ANGEL1: variants seen among roughly 807,000 people sequenced by gnomAD.
ANGEL1 encodes the protein RNA 2',3'-cyclic phosphatase ANGEL1.
Under a neutral mutation model 76.4 loss-of-function variants are expected in ANGEL1, and 62 were observed. The observed-to-expected ratio is 0.81, with a 90% CI of 0.66 to 1.00. The LOEUF (loss-of-function observed/expected upper bound fraction) is 1.00. Ranked by LOEUF, ANGEL1 falls within the 50% of genes least tolerant of loss-of-function variation. The probability of loss-of-function intolerance (pLI) is 0.00; values close to 1 mark genes in which losing one functional copy is unlikely to be tolerated. For synonymous variants in ANGEL1, 340 were observed against 331.7 expected, an observed-to-expected ratio of 1.03 and a Z score of -0.27; for missense variants, 737 against 836.7, an observed-to-expected ratio of 0.88 and a Z score of 1.47.
chr14:76,799,602 C>A (rs538495056), intron 7 of ANGEL1, among the ~76,000 whole-genome samples: 1 of 152,176 alleles, frequency 6.6e-6, no homozygotes, highest in Admixed American at 6.5e-5. Context: ...CCATTCATGG[C>A]CCTTTTAAAA....
intron 7 of ANGEL1, among the ~76,000 whole-genome samples, chr14:76,792,122 A>G (rs918458844): frequency 6.6e-6 from 1 of 152,242 alleles, no homozygotes; most frequent in African/African-American, 2.4e-5. Flanking sequence ...TGAATGCTAT[A>G]AATAACTGGA....
Position 76,803,917 on chromosome 14 carries a change from G to A in ANGEL1, c.1381-5C>T, listed in dbSNP as rs1382560168. 6.2e-7 allele frequency: 1 copy of A among 1,614,146 alleles called. No homozygotes were observed. Among genetic ancestry groups the A allele is most frequent in the Non-Finnish European group, 8.5e-7 (1 of 1,180,022 alleles). ...GAAGTCTTCCTGTCCAGATACCTGGGTGGAAAAAGAAGGGTGGGAATAAGG... is the reference window on the plus strand; with the variant it reads ...GAAGTCTTCCTGTCCAGATACCTGGATGGAAAAAGAAGGGTGGGAATAAGG... On this transcript the variant is annotated splice_polypyrimidine_tract_variant and splice_region_variant and intron_variant, in intron 5 of 9. Coordinates refer to ENST00000251089, the MANE Select transcript of ANGEL1 (RefSeq NM_015305.4).
chr14:76,809,682 A>T (rs558010368), intron 1 of ANGEL1, 39 bp from the exon 2 acceptor site: 1 of 1,534,210 alleles, frequency 6.5e-7, no homozygotes, highest in Non-Finnish European at 8.9e-7. Flanking sequence ...TAAGACTGTC[A>T]TCCAACCCAC....
chr14:76,798,728 A>T (rs569288233), intron 7 of ANGEL1, among the ~76,000 whole-genome samples: 1 of 152,136 alleles, frequency 6.6e-6, no homozygotes, highest in Admixed American at 6.5e-5. Context: ...TGGGTGGATC[A>T]TTTGAGGCCA....
intron 5 of ANGEL1, 106 bp from the exon 6 acceptor site, chr14:76,804,018 A>C: frequency 6.2e-7 from 1 of 1,610,206 alleles, no homozygotes; most frequent in Non-Finnish European, 8.5e-7. Context: ...ACAATCACAC[A>C]CTACGTACAT....
intron 3 of ANGEL1, 30 bp from the exon 4 acceptor site, chr14:76,807,532 C>T: frequency 1.2e-6 from 2 of 1,609,384 alleles, no homozygotes; most frequent in African/African-American, 1.3e-5. Flanking sequence ...CCCAATCACT[C>T]CAGAGTGCTG....
chr14:76,803,788 G>A lies in ANGEL1; in HGVS notation c.1505C>T (p.Ser502Leu). 6.2e-7 allele frequency: 1 copy of A among 1,611,296 alleles called. No individual in the cohort carries two copies. The highest frequency in any genetic ancestry group is 8.5e-7 in the Non-Finnish European group (1 of 1,178,368). ...CCAAGAATGTGACATGTGCTCACCT[G>A]ATCTCTTGGGGTGACAGGAGGTGAC... Reference protein sequence around the residue: ...QYVTSCHPKRSERRKYGRDFL... With the variant: ...QYVTSCHPKRLERRKYGRDFL... Residue 502 changes from serine to leucine, a missense_variant and splice_region_variant, in exon 6 of 10, where the codon TCA becomes TTA. Physicochemically the swap from Ser to Leu is moderately radical, Grantham distance 145. Coordinates refer to ENST00000251089, the MANE Select transcript of ANGEL1 (RefSeq NM_015305.4).
At chr14:76,810,147 G>A (rs977755202) in intron 1 of ANGEL1, 3 of 453,962 alleles carry the variant, frequency 6.6e-6, no homozygotes, top group African/African-American at 6.0e-5. Flanking sequence ...GGGACAAGAG[G>A]CCAGGCGTGG....
chr14:76,803,602 A>G, intron 6 of ANGEL1, 121 bp from the exon 7 acceptor site: 1 of 1,361,690 alleles, frequency 7.3e-7, no homozygotes, highest in Admixed American at 2.2e-5. Context: ...AGACAAGGAG[A>G]TTTTCCAAAG....
chr14:76,789,149 T>C lies in ANGEL1; in HGVS notation c.*79A>G, dbSNP rs1318653378. ...TGTAAGTTTCTTGGATCTAAGTTTC[T>C]AGATGCATGGGATTTTTCCACAGTC... On this transcript the variant is annotated 3_prime_UTR_variant, in exon 10 of 10. Transcript: ENST00000251089. The C allele has an allele frequency of 2.6e-6, 4 of 1,542,916 alleles. No homozygotes were observed. The African/African-American group carries it at 4.1e-5, about 16-fold the overall frequency.
rs866223798 is a variant in ANGEL1 at position 76,812,791 on chromosome 14, C to T, written c.37G>A (p.Ala13Thr). The T allele has an allele frequency of 1.3e-6, 2 of 1,521,706 alleles. No homozygotes were observed. The highest frequency in any genetic ancestry group is 1.2e-5 in the South Asian group (1 of 81,912). The allele number at this position is 1,521,706 out of a possible 1,614,324, so 94.3% of individuals were successfully genotyped here. A position where few individuals can be genotyped will look rare whatever the true frequency, so the allele number is the denominator to read the frequency against. The change falls in exon 1 of 10, where the codon GCC (alanine) becomes ACC (threonine). Residue 13 changes from alanine to threonine, a missense_variant. Ala to Thr is a moderately conservative substitution (Grantham distance 58). Coordinates refer to ENST00000251089, the MANE Select transcript of ANGEL1 (RefSeq NM_015305.4). ...ASCLCYLLLP[A>T]TRLFRALSDA... ...GAGAGGGCGCGGAAGAGGCGCGTGGCCGGCAGCAGCAGGTAACACAAGCAC... is the reference window on the plus strand; with the variant it reads ...GAGAGGGCGCGGAAGAGGCGCGTGGTCGGCAGCAGCAGGTAACACAAGCAC...
At chr14:76,798,777 G>A (rs1391875543) in intron 7 of ANGEL1, among the ~76,000 whole-genome samples, 5 of 151,742 alleles carry the variant, frequency 3.3e-5, no homozygotes, top group Non-Finnish European at 5.9e-5. Flanking sequence ...GTGAAACCCC[G>A]TTTCTACTAA....
At chr14:76,810,220 G>C (rs767811289) in intron 1 of ANGEL1, 1 of 454,814 alleles carries the variant, frequency 2.2e-6, no homozygotes, top group South Asian at 1.6e-5. Context: ...CCAGGAGTTA[G>C]AGACCAGCCT....
intron 5 of ANGEL1, chr14:76,804,384 G>A (rs1180170807): frequency 2.7e-5 from 27 of 1,016,062 alleles, no homozygotes; most frequent in Non-Finnish European, 3.1e-5. Flanking sequence ...CCGTATCTAC[G>A]TCACCATCCT....
chr14:76,812,752 C>T lies in ANGEL1; in HGVS notation c.64+12G>A. 1 of 1,514,754 alleles carries T rather than the reference C, an allele frequency of 6.6e-7. No homozygotes were observed. The highest frequency in any genetic ancestry group is 1.8e-4 in the Middle Eastern group (1 of 5,514). The allele number at this position is 1,514,754 out of a possible 1,614,324, so 93.8% of individuals were successfully genotyped here. On this transcript the variant is annotated intron_variant, in intron 1 of 9. Coordinates refer to ENST00000251089, the MANE Select transcript of ANGEL1 (RefSeq NM_015305.4). ...GGCCGGGCTCCTGTCTGTCGGTACG[C>T]CTGGCCGGTACCTGAGAGGGCGCGG... is the stretch of plus-strand genomic sequence containing the variant.
At position 76,787,090 on chromosome 14, in the gene ANGEL1, G is replaced by A. The variant is rs1894278932; in HGVS notation, c.*2138C>T. 1 of 152,064 alleles carries A rather than the reference G, an allele frequency of 6.6e-6. No individual in the cohort carries two copies. Among genetic ancestry groups the A allele is most frequent in the African/African-American group, 2.4e-5 (1 of 41,366 alleles). The allele number at this position is 152,064 out of a possible 1,614,324, so 9.4% of individuals were successfully genotyped here. A position where few individuals can be genotyped will look rare whatever the true frequency, so the allele number is the denominator to read the frequency against. On this transcript the variant is annotated 3_prime_UTR_variant, in exon 10 of 10. Coordinates refer to ENST00000251089, the MANE Select transcript of ANGEL1 (RefSeq NM_015305.4). ...TGGGAATTTACCTCAGCTAATAGAG[G>A]GAGATCTTACAACACATTTCTCAAT...
At position 76,807,944 on chromosome 14, in the gene ANGEL1, TC is replaced by T. The variant is rs745834615; in HGVS notation, c.853del (p.Glu285AsnfsTer30). 1 of 1,614,042 alleles carries T rather than the reference TC, an allele frequency of 6.2e-7. No homozygotes were observed. The highest frequency in any genetic ancestry group is 8.5e-7 in the Non-Finnish European group (1 of 1,180,038). On this transcript the variant is annotated frameshift_variant, in exon 3 of 10. Transcript: ENST00000251089. LOFTEE classifies it high-confidence loss of function. ...CACATCAGGGTCCCAGTGCTGGAAT[TC>T]CTGCATGAGGTTCACGAAGCGATAG... The part of the protein sequence containing the change: ...WNYRFVNLMQ[E>X]FQHWDPDILC...
At chr14:76,797,837 G>A (rs1894628726) in intron 7 of ANGEL1, among the ~76,000 whole-genome samples, 1 of 152,220 alleles carries the variant, frequency 6.6e-6, no homozygotes, top group South Asian at 2.1e-4. Flanking sequence ...TCAGTGTAAT[G>A]TGCCAGTGTC....
At chr14:76,789,537 G>A in intron 9 of ANGEL1, 149 bp from the exon 10 acceptor site, 1 of 802,790 alleles carries the variant, frequency 1.2e-6, no homozygotes, top group Non-Finnish European at 1.9e-6. Flanking sequence ...GCATCTGGCT[G>A]AGGAGGCCCC....
Sources: allele counts gnomAD v4.1 joint callset (sites outside exome capture counted in the v4.1 genomes callset), GRCh38; gene constraint gnomAD v4.1.1; transcripts MANE v1.5; gene names NCBI Gene and HGNC (gene_info 2026-07-23, HGNC 2026-07-21).